The following EYA2 variants were observed in gnomAD, a reference collection of about 807,000 sequenced individuals.
The protein encoded by EYA2 is protein phosphatase EYA2.
EYA2 carries 31 observed loss-of-function variants against 69.2 expected under a neutral mutation model. The ratio of observed to expected loss-of-function variants is 0.45; its 90% CI spans 0.34 to 0.60. EYA2 has a LOEUF of 0.60. EYA2 is among the 20% of genes least tolerant of loss of function. The probability of loss-of-function intolerance (pLI) is 0.02; values close to 1 mark genes in which losing one functional copy is unlikely to be tolerated. For missense variants in EYA2, 622 were observed against 701.2 expected (o/e 0.89, Z 1.28); for synonymous variants, 257 against 279.4 (o/e 0.92, Z 0.80).
intron 1 of EYA2, among the ~76,000 whole-genome samples, chr20:46,908,671 A>G (rs1984481602): frequency 6.6e-6 from 1 of 152,178 alleles, no homozygotes; most frequent in Admixed American, 6.5e-5. Flanking sequence ...GGTGCCATTC[A>G]GGAATGGTCT....
At chr20:46,965,477 G>T (rs369995948) in intron 1 of EYA2, among the ~76,000 whole-genome samples, 4 of 152,240 alleles carry the variant, frequency 2.6e-5, no homozygotes, top group East Asian at 1.9e-4. Context: ...GGGCAAAGGT[G>T]GGGGGTTGGA....
At chr20:46,992,844 T>G (rs910833319) in intron 2 of EYA2, among the ~76,000 whole-genome samples, 1 of 152,152 alleles carries the variant, frequency 6.6e-6, no homozygotes, top group African/African-American at 2.4e-5. Context: ...CCAGAGACTC[T>G]GCAGGGGACA....
At chr20:46,952,190 C>T (rs762223760) in intron 1 of EYA2, among the ~76,000 whole-genome samples, 31 of 152,184 alleles carry the variant, frequency 2.0e-4, no homozygotes, top group Middle Eastern at 3.4e-3. Context: ...TCAGGGAGGT[C>T]TCTCTGGCAG....
At chr20:46,948,611 C>A (rs1978616124) in intron 1 of EYA2, among the ~76,000 whole-genome samples, 1 of 152,140 alleles carries the variant, frequency 6.6e-6, no homozygotes, top group Admixed American at 6.5e-5. Context: ...CACTGAAAAT[C>A]CTCTCCAACT....
chr20:47,054,037 G>A (rs554087219), intron 5 of EYA2, among the ~76,000 whole-genome samples: 2 of 152,260 alleles, frequency 1.3e-5, no homozygotes, highest in South Asian at 2.1e-4. Context: ...ATGTGGTCAT[G>A]AGGATTAAAT....
chr20:47,034,173 AC>A (rs1248411185), intron 5 of EYA2, among the ~76,000 whole-genome samples: 15 of 152,234 alleles, frequency 9.9e-5, no homozygotes, highest in African/African-American at 3.6e-4. Flanking sequence ...AGAATTAAAA[AC>A]ATTTGTTCCC....
At chr20:47,045,734 T>C (rs1189817701) in intron 5 of EYA2, among the ~76,000 whole-genome samples, 3 of 152,208 alleles carry the variant, frequency 2.0e-5, no homozygotes, top group Non-Finnish European at 2.9e-5. Context: ...GGGCCTGTTT[T>C]TGAGAATTTT....
intron 5 of EYA2, among the ~76,000 whole-genome samples, chr20:47,063,207 C>T (rs1264157523): frequency 6.6e-6 from 1 of 152,112 alleles, no homozygotes; most frequent in Non-Finnish European, 1.5e-5. Context: ...AACCTTTAAG[C>T]GGTCATGTCT....
At chr20:46,959,997 G>A (rs1055001093) in intron 1 of EYA2, among the ~76,000 whole-genome samples, 2 of 152,218 alleles carry the variant, frequency 1.3e-5, no homozygotes. Flanking sequence ...GGGTTGCATG[G>A]AAACGGTTGA....
chr20:47,008,371 T>G (rs1024336700), intron 4 of EYA2, among the ~76,000 whole-genome samples: 1 of 152,178 alleles, frequency 6.6e-6, no homozygotes, highest in African/African-American at 2.4e-5. Context: ...CCCCGAGCCC[T>G]CACCCACGGG....
chr20:46,909,658 G>A (rs1473088038), intron 1 of EYA2, among the ~76,000 whole-genome samples: 1 of 152,226 alleles, frequency 6.6e-6, no homozygotes, highest in African/African-American at 2.4e-5. Flanking sequence ...CTCTTAATCA[G>A]TCTCTCTGTT....
chr20:47,058,159 A>G (rs1363543031), intron 5 of EYA2, among the ~76,000 whole-genome samples: 1 of 152,258 alleles, frequency 6.6e-6, no homozygotes, highest in Non-Finnish European at 1.5e-5. Flanking sequence ...CTCCTTAAAA[A>G]GAGGAGGAAA....
Position 47,004,967 on chromosome 20 carries a change from C to T in EYA2, c.181C>T (p.Gln61Ter). 1 of 1,614,140 alleles carries T rather than the reference C, an allele frequency of 6.2e-7. No individual in the cohort carries two copies. The change falls in exon 4 of 16, where the codon CAG becomes TAG. Residue 61 changes from glutamine (Q) to a stop codon, truncating the protein, a stop_gained. Coordinates refer to ENST00000327619, the MANE Select transcript of EYA2 (RefSeq NM_005244.5). LOFTEE classifies it high-confidence loss of function. ...SRSCPRVLPR[Q>*]PSTAMAAYGQ... The stretch of plus-strand genomic sequence containing the variant: ...ATCTTGCCCACGTGTCCTCCCCCGC[C>T]AGCCTTCCACAGCCATGGCAGCCTA...
intron 9 of EYA2, among the ~76,000 whole-genome samples, chr20:47,116,643 A>G (rs2032902408): frequency 6.6e-6 from 1 of 152,254 alleles, no homozygotes; most frequent in Non-Finnish European, 1.5e-5. Flanking sequence ...CCAGAGGGAC[A>G]GAGCCCCAGT....
intron 14 of EYA2, among the ~76,000 whole-genome samples, chr20:47,181,805 A>G (rs2034543241): frequency 6.6e-6 from 1 of 152,222 alleles, no homozygotes. Flanking sequence ...TCCAAACATT[A>G]TATGAAAGTG....
At chr20:46,953,040 T>C (rs1416610426) in intron 1 of EYA2, among the ~76,000 whole-genome samples, 1 of 152,186 alleles carries the variant, frequency 6.6e-6, no homozygotes, top group Non-Finnish European at 1.5e-5. Flanking sequence ...AGAGACCCAA[T>C]ATTTGAAGTC....
At chr20:47,055,577 C>T (rs1014114843) in intron 5 of EYA2, among the ~76,000 whole-genome samples, 3 of 152,224 alleles carry the variant, frequency 2.0e-5, no homozygotes, top group Non-Finnish European at 4.4e-5. Flanking sequence ...CCTCCTCTCG[C>T]ACACTTGCCC....
chr20:47,050,629 A>G (rs2030282455), intron 5 of EYA2, among the ~76,000 whole-genome samples: 3 of 152,280 alleles, frequency 2.0e-5, no homozygotes. Flanking sequence ...GGAGTGAATT[A>G]TAGCTGTTAG....
At chr20:46,960,962 C>G (rs542369142) in intron 1 of EYA2, among the ~76,000 whole-genome samples, 1 of 152,112 alleles carries the variant, frequency 6.6e-6, no homozygotes, top group Non-Finnish European at 1.5e-5. Context: ...CTGGGAGGCT[C>G]TCTGAGAAGG....
Sources: allele counts gnomAD v4.1 joint callset (sites outside exome capture counted in the v4.1 genomes callset), GRCh38; gene constraint gnomAD v4.1.1; transcripts MANE v1.5; gene names NCBI Gene and HGNC (gene_info 2026-07-23, HGNC 2026-07-21).